Variants in KMT2E observed in about 807,000 individuals in gnomAD.
The protein encoded by KMT2E is lysine methyltransferase 2E (inactive), also known as histone reader KMT2E.
In KMT2E, 30 loss-of-function variants were observed where a neutral mutation model predicts 184.6. The observed-to-expected ratio is 0.16, with a 90% CI of 0.12 to 0.22. The LOEUF is 0.22. KMT2E is among the 10% of genes least tolerant of loss of function. The pLI, the probability that KMT2E is intolerant of heterozygous loss-of-function variation, is 1.00. For missense variants in KMT2E, 2,023 were observed against 2,237.4 expected, an observed-to-expected ratio of 0.90 and a Z score of 1.93; for synonymous variants, 815 against 776.5, an observed-to-expected ratio of 1.05 and a Z score of -0.82.
rs1799184455 is a variant in KMT2E at position 105,110,557 on chromosome 7, T to G, written c.3925T>G (p.Leu1309Val). 1 of 1,614,182 alleles carries G rather than the reference T, an allele frequency of 6.2e-7. No individual in the cohort carries two copies. The highest frequency in any genetic ancestry group is 1.3e-5 in the African/African-American group (1 of 75,066). ...ATCTCATTCAAATCACATACCCCAG[T>G]TGCAAGCTAAGGGCCCAGTCCCTTC... ...PSSHSNHIPQLQAKGPVPSFS... is the reference protein window; with the variant it reads ...PSSHSNHIPQVQAKGPVPSFS... The change falls in exon 25 of 27, where the codon TTG becomes GTG. Residue 1309 changes from leucine (L) to valine (V), a missense_variant. Physicochemically the swap from Leu to Val is conservative, Grantham distance 32. Transcript: ENST00000311117.
At position 105,111,997 on chromosome 7, in the gene KMT2E, A is replaced by G. The variant is rs577898281; in HGVS notation, c.4241A>G (p.Asn1414Ser). ...AATAACAACCAAGCACTTTCAAAGA[A>G]TCATCCTCCTCAGACACACGTTCGT... ...LSNNNQALSK[N>S]HPPQTHVRNS... The change falls in exon 27 of 27, where the codon AAT becomes AGT. Residue 1414 changes from asparagine (N) to serine (S), a missense_variant. This residue lies in a region of KMT2E where 1,108 missense variants were observed against 1,050.9 expected (regional missense o/e 1.05). Transcript: ENST00000311117. 6.2e-7 allele frequency: 1 copy of G among 1,614,210 alleles called. No homozygotes were observed. The highest frequency in any genetic ancestry group is 2.2e-5 in the East Asian group (1 of 44,890).
At chr7:105,055,809 G>A (rs1299024348) in intron 3 of KMT2E, among the ~76,000 whole-genome samples, 2 of 152,078 alleles carry the variant, frequency 1.3e-5, no homozygotes, top group African/African-American at 4.8e-5. Flanking sequence ...TTGCTTAAAT[G>A]TGACTACTAT....
rs1562906452 is a variant in KMT2E at position 105,071,594 on chromosome 7, ATATATATATATATATTTTTT to A, written c.498-2023_498-2004del. On this transcript the variant is annotated intron_variant, in intron 6 of 26. Transcript: ENST00000311117. ...TGTATGTGTGTGTGTATATATATAT[ATATATATATATATATTTTTT>A]TTTTTTTTTTTTTTTTTTTTTTAAG... 5.2e-3 allele frequency among the ~76,000 whole-genome samples: 309 copies of A among 59,294 alleles called. 3 individuals carry two copies. Among genetic ancestry groups the A allele is most frequent in the African/African-American group, 0.018 (289 of 15,776 alleles). The allele number at this position is 59,294 out of a possible 152,430, so 38.9% of individuals were successfully genotyped here. A position where few individuals can be genotyped will look rare whatever the true frequency, so the allele number is the denominator to read the frequency against.
In KMT2E at chr7:105,105,674, T is replaced by A. The variant is rs1584802515; in HGVS notation, c.2432T>A (p.Ile811Asn). Residue 811 changes from isoleucine to asparagine, a missense_variant, in exon 18 of 27, where the codon ATT (isoleucine) becomes AAT (asparagine). This residue lies in a region of KMT2E where 514 missense variants were observed against 621.8 expected (regional missense o/e 0.83). Coordinates refer to ENST00000311117, the MANE Select transcript of KMT2E (RefSeq NM_182931.3). The stretch of plus-strand genomic sequence containing the variant: ...AGAAGAAAAGAACCTACTGAAAACA[T>A]TTCTGGTTCATGCAAGAAGGTAAAC... ...KRRRKEPTEN[I>N]SGSCKKRWLK... is the part of the protein sequence containing the mutation. The A allele has an allele frequency of 8.7e-6, 14 of 1,600,722 alleles. No individual in the cohort carries two copies. The highest frequency in any genetic ancestry group is 1.1e-5 in the Non-Finnish European group (13 of 1,176,802).
chr7:105,100,814 T>C (rs536363452), intron 15 of KMT2E, among the ~76,000 whole-genome samples: 1 of 152,246 alleles, frequency 6.6e-6, no homozygotes, highest in Non-Finnish European at 1.5e-5. Flanking sequence ...CTCAGAGAAG[T>C]TCATCATAAA....
chr7:105,075,618 T>C (rs1319549220), intron 8 of KMT2E, among the ~76,000 whole-genome samples: 1 of 152,134 alleles, frequency 6.6e-6, no homozygotes, highest in African/African-American at 2.4e-5. Flanking sequence ...CAGAGAATAT[T>C]TGGAAATTTT....
intron 12 of KMT2E, among the ~76,000 whole-genome samples, chr7:105,080,729 G>C (rs1797730131): frequency 6.6e-6 from 1 of 152,200 alleles, no homozygotes; most frequent in Non-Finnish European, 1.5e-5. Flanking sequence ...AACCTAAGAA[G>C]GCCAGGCACA....
chr7:105,018,138 A>G (rs1794794616), intron 1 of KMT2E, among the ~76,000 whole-genome samples: 1 of 152,204 alleles, frequency 6.6e-6, no homozygotes, highest in Non-Finnish European at 1.5e-5. Context: ...TTCATTCATC[A>G]ATCTTCTAAA....
intron 7 of KMT2E, 83 bp downstream of exon 7, chr7:105,073,760 ATATTTT>A (rs1428587151): frequency 1.2e-6 from 1 of 813,962 alleles, no homozygotes; most frequent in East Asian, 2.5e-5. Flanking sequence ...TTAAATGTAA[ATATTTT>A]TAGTTAAATG....
At chr7:105,029,093 C>T (rs777458833) in intron 1 of KMT2E, among the ~76,000 whole-genome samples, 3 of 152,108 alleles carry the variant, frequency 2.0e-5, no homozygotes, top group Admixed American at 6.5e-5. Flanking sequence ...AGGGAAACCC[C>T]GTCTCTACTA....
At chr7:105,021,356 A>C (rs186533019) in intron 1 of KMT2E, among the ~76,000 whole-genome samples, 1 of 152,242 alleles carries the variant, frequency 6.6e-6, no homozygotes, top group Non-Finnish European at 1.5e-5. Flanking sequence ...GAATTTGAGT[A>C]GCTATTATTT....
chr7:105,060,976 C>T (rs1205287812), intron 3 of KMT2E, among the ~76,000 whole-genome samples: 1 of 152,136 alleles, frequency 6.6e-6, no homozygotes, highest in Non-Finnish European at 1.5e-5. Context: ...ATGTATTTCT[C>T]AGAATGTATC....
At chr7:105,073,912 ATAATT>A (rs1236667709) in intron 7 of KMT2E, among the ~76,000 whole-genome samples, 1 of 152,210 alleles carries the variant, frequency 6.6e-6, no homozygotes, top group Non-Finnish European at 1.5e-5. Context: ...AGGAAAATAA[ATAATT>A]TAAATCAGCC....
rs1477092573 is a variant in KMT2E at position 105,064,892 on chromosome 7, T to C, written c.416+1312T>C. On this transcript the variant is annotated intron_variant, in intron 5 of 26. Transcript: ENST00000311117. ...GTCTAATGTGATAAATTACATACTT[T>C]GGTATGTAATTTTTATTTTAATACA... Among the ~76,000 whole-genome samples, 4 of 152,292 alleles carry C rather than the reference T, an allele frequency of 2.6e-5. No individual in the cohort carries two copies. In the East Asian group the frequency reaches 5.8e-4, roughly 22 times the overall value.
At chr7:105,081,266 TC>T (rs1185118487) in intron 12 of KMT2E, among the ~76,000 whole-genome samples, 1 of 150,440 alleles carries the variant, frequency 6.6e-6, no homozygotes, top group Non-Finnish European at 1.5e-5. Context: ...TGCCTGTAGT[TC>T]CAGCTACTCG....
At chr7:105,074,252 T>A (rs1797441646) in intron 7 of KMT2E, among the ~76,000 whole-genome samples, 1 of 152,202 alleles carries the variant, frequency 6.6e-6, no homozygotes, top group South Asian at 2.1e-4. Flanking sequence ...GCATAAGTCT[T>A]TTTGTACTTT....
intron 15 of KMT2E, chr7:105,091,694 A>G (rs1368200411): frequency 3.4e-6 from 1 of 290,080 alleles, no homozygotes; most frequent in Non-Finnish European, 6.3e-6. Context: ...ACCTTACTAT[A>G]GCACCAAATA....
intron 3 of KMT2E, among the ~76,000 whole-genome samples, chr7:105,045,529 G>A (rs992799801): frequency 6.6e-6 from 1 of 151,970 alleles, no homozygotes; most frequent in Non-Finnish European, 1.5e-5. Context: ...CCTCATATAA[G>A]TGGAATTATA....
Position 105,101,489 on chromosome 7 carries a change from A to G in KMT2E, c.1787A>G (p.Lys596Arg). The change falls in exon 16 of 27, where the codon AAA (lysine) becomes AGA (arginine). Residue 596 changes from lysine (K) to arginine (R), a missense_variant. Lys to Arg is a conservative substitution (Grantham distance 26, BLOSUM62 2). Coordinates refer to ENST00000311117, the MANE Select transcript of KMT2E (RefSeq NM_182931.3). ...TTTGCCAGACTTGAAAAGAGAGAGA[A>G]AAGAAGAGAACAAGCTTTGGAAAGG... Reference protein sequence around the residue: ...QAFARLEKREKRREQALERIS... With the variant: ...QAFARLEKRERRREQALERIS... 3 of 1,590,896 alleles carry G rather than the reference A, an allele frequency of 1.9e-6. No individual in the cohort carries two copies. Among genetic ancestry groups the G allele is most frequent in the East Asian group, 2.3e-5 (1 of 43,732 alleles).
Sources: gnomAD v4.1 joint callset for allele counts (sites outside exome capture counted in the v4.1 genomes callset) on GRCh38, gnomAD v4.1.1 for gene constraint, gnomAD v4.1.1 regional missense constraint, MANE v1.5 for transcripts, NCBI Gene and HGNC (gene_info 2026-07-23, HGNC 2026-07-21) for gene names.